The following JUP variants were observed in gnomAD, a reference collection of about 807,000 sequenced individuals.
JUP encodes junction plakoglobin.
Under a neutral mutation model 71.1 loss-of-function variants are expected in JUP, and 28 were observed. The ratio of observed to expected loss-of-function variants is 0.39; its 90% confidence interval spans 0.29 to 0.54. The LOEUF is 0.54. Ranked by LOEUF, JUP falls within the 20% of genes least tolerant of loss-of-function variation. The pLI is 0.62. For missense variants in JUP, 869 were observed against 1,030.1 expected (o/e 0.84, Z 2.14); for synonymous variants, 401 against 438.9 (o/e 0.91, Z 1.08).
At chr17:41,771,170 C>T (rs1301779686) in intron 2 of JUP, among the ~76,000 whole-genome samples, 3 of 152,220 alleles carry the variant, frequency 2.0e-5, no homozygotes, top group Non-Finnish European at 2.9e-5. Context: ...GCTGGGACTA[C>T]AGGTGCATGC....
chr17:41,773,918 A>G (rs1917057133), intron 1 of JUP, among the ~76,000 whole-genome samples: 1 of 152,204 alleles, frequency 6.6e-6, no homozygotes, highest in Non-Finnish European at 1.5e-5. Context: ...TGCTGGGCTC[A>G]AGGCTGAACG....
In JUP at chr17:41,767,402, C is replaced by A. The variant is rs970432981; in HGVS notation, c.886G>T (p.Ala296Ser). Reference sequence around the variant, plus strand: ...ACCTTGCTCTCCTGGTTGCCGTAGGCCAGGAGCTGCAGGCAGTCGGTGGTG... The same window carrying A: ...ACCTTGCTCTCCTGGTTGCCGTAGGACAGGAGCTGCAGGCAGTCGGTGGTG... ...AITTDCLQLL[A>S]YGNQESKLII... Residue 296 changes from alanine (A) to serine (S), a missense_variant, in exon 5 of 14, where the codon GCC (alanine) becomes TCC (serine). Physicochemically the swap from Ala to Ser is moderately conservative, Grantham distance 99. Transcript: ENST00000393931. 36 of 1,614,148 alleles carry A rather than the reference C, an allele frequency of 2.2e-5. No individual in the cohort carries two copies. Among genetic ancestry groups the A allele is most frequent in the Non-Finnish European group, 3.0e-5 (35 of 1,180,044 alleles).
At chr17:41,772,209 A>C (rs1156377130) in intron 1 of JUP, 11 of 397,294 alleles carry the variant, frequency 2.8e-5, no homozygotes, top group Non-Finnish European at 4.3e-5. Context: ...GCCCTGACCC[A>C]ACTCTCCCAG....
intron 1 of JUP, among the ~76,000 whole-genome samples, chr17:41,775,410 C>CCTA (rs1356405258): frequency 6.6e-6 from 1 of 152,192 alleles, no homozygotes; most frequent in East Asian, 1.9e-4. Context: ...CTTCTCCTTA[C>CCTA]CTACTGCCCA....
rs782267275 is a variant in JUP, at chr17:41,771,897, A to G, written c.-8-35T>C. 6.5e-6 allele frequency: 10 copies of G among 1,547,292 alleles called. No individual in the cohort carries two copies. In the East Asian group the frequency reaches 2.4e-4, roughly 37 times the overall value. ...CAAAGGAGGAAGTCAGGAAGCAGGA[A>G]GTCACCTGGCCCAGCCCCCAGCTTC... On this transcript the variant is annotated intron_variant, in intron 1 of 13. Transcript: ENST00000393931.
intron 12 of JUP, among the ~76,000 whole-genome samples, 163 bp from the exon 13 acceptor site, chr17:41,756,377 AC>A (rs1913749289): frequency 6.6e-6 from 1 of 152,104 alleles, no homozygotes; most frequent in Admixed American, 6.6e-5. Flanking sequence ...CAGGCGGATC[AC>A]TTGAGGTCAG....
chr17:41,769,846 A>C (rs1555606112), intron 2 of JUP, among the ~76,000 whole-genome samples, 169 bp from the exon 3 acceptor site: 2 of 151,632 alleles, frequency 1.3e-5, no homozygotes, highest in Non-Finnish European at 2.9e-5. Context: ...ACCTTGGGGA[A>C]GTCACCATCA....
chr17:41,767,278 C>T, intron 5 of JUP, 101 bp downstream of exon 5: 1 of 905,756 alleles, frequency 1.1e-6, no homozygotes, highest in Non-Finnish European at 1.8e-6. Context: ...GCACCTATAT[C>T]TCATCTAAAA....
intron 13 of JUP, 113 bp from the exon 14 acceptor site, chr17:41,756,008 C>CT: frequency 7.8e-7 from 1 of 1,277,768 alleles, no homozygotes; most frequent in African/African-American, 3.3e-5. Flanking sequence ...GTGGGCCTGA[C>CT]CCCTCCCCAG....
At chr17:41,759,502 G>C (rs7221320) in intron 8 of JUP, among the ~76,000 whole-genome samples, 5,170 of 139,236 alleles carry the variant, frequency 0.037, 307 homozygotes, top group African/African-American at 0.13. Flanking sequence ...CCATGACCTT[G>C]CTTGCTTTTC....
At position 41,755,410 on chromosome 17, in the gene JUP, G is replaced by A. The variant is rs1913531257; in HGVS notation, c.*334C>T. 1 of 408,996 alleles carries A rather than the reference G, an allele frequency of 2.4e-6. No individual in the cohort carries two copies. The highest frequency in any genetic ancestry group is 3.5e-5 in the East Asian group (1 of 28,418). 25.3% of individuals were successfully genotyped at this position (408,996 alleles called of 1,614,324 possible). ...TCTTGCCCCATCGCCTGCACGGAGA[G>A]CCTCTCAGATGAGGAACCGCACCTG... On this transcript the variant is annotated 3_prime_UTR_variant, in exon 14 of 14. Transcript: ENST00000393931.
chr17:41,763,911 C>T (rs782669952), intron 7 of JUP, among the ~76,000 whole-genome samples: 37 of 152,328 alleles, frequency 2.4e-4, no homozygotes, highest in Admixed American at 1.5e-3. Context: ...GCTTTGGGGA[C>T]GGACAGTCCT....
chr17:41,773,356 T>C (rs1252602394), intron 1 of JUP, among the ~76,000 whole-genome samples: 1 of 152,178 alleles, frequency 6.6e-6, no homozygotes, highest in Non-Finnish European at 1.5e-5. Context: ...CTCCCAGCCT[T>C]TTATGGCAGG....
chr17:41,764,534 G>GAAAAA (rs1555603054), intron 7 of JUP, among the ~76,000 whole-genome samples, 179 bp downstream of exon 7: 3 of 83,900 alleles, frequency 3.6e-5, no homozygotes, highest in African/African-American at 1.8e-4. Context: ...GACTCCGTCA[G>GAAAAA]AAAAAAAAAA....
chr17:41,776,295 A>T (rs2046881331), intron 1 of JUP, among the ~76,000 whole-genome samples: 2 of 152,204 alleles, frequency 1.3e-5, no homozygotes, highest in Admixed American at 1.3e-4. Context: ...CAATTTCCTT[A>T]AGCCTCATTT....
At chr17:41,760,221 T>TCTTATCTGCA (rs1385717491) in intron 8 of JUP, among the ~76,000 whole-genome samples, 1 of 151,802 alleles carries the variant, frequency 6.6e-6, no homozygotes, top group Non-Finnish European at 1.5e-5. Context: ...TTAGAGTCAT[T>TCTTATCTGCA]CTTATCTGCA....
intron 1 of JUP, among the ~76,000 whole-genome samples, chr17:41,781,017 A>G (rs1448970246): frequency 2.6e-5 from 4 of 152,012 alleles, no homozygotes; most frequent in Non-Finnish European, 5.9e-5. Flanking sequence ...CGTCTCTACT[A>G]AAAACACAAA....
chr17:41,757,601 T>C (rs1597781528), intron 11 of JUP, 33 bp downstream of exon 11: 1 of 1,612,924 alleles, frequency 6.2e-7, no homozygotes, highest in East Asian at 2.2e-5. Context: ...GCTGGGGGAG[T>C]GGGACCCAGC....
Position 41,755,671 on chromosome 17 carries a change from G to T in JUP, c.*73C>A. On this transcript the variant is annotated 3_prime_UTR_variant, in exon 14 of 14. Transcript: ENST00000393931. ...GCAGGTTTCAGCGGGGAGATGGGAG[G>T]GCCTCCAACAGAAGGAGGTTCTAGA... is the stretch of plus-strand genomic sequence containing the variant. The T allele has an allele frequency of 7.3e-7, 1 of 1,371,310 alleles. No individual in the cohort carries two copies. The highest frequency in any genetic ancestry group is 9.8e-7 in the Non-Finnish European group (1 of 1,022,628). The allele number at this position is 1,371,310 out of a possible 1,614,324, so 84.9% of individuals were successfully genotyped here. A position where few individuals can be genotyped will look rare whatever the true frequency, so the allele number is the denominator to read the frequency against.
Sources: allele counts gnomAD v4.1 joint callset (sites outside exome capture counted in the v4.1 genomes callset), GRCh38; gene constraint gnomAD v4.1.1; transcripts MANE v1.5; gene names NCBI Gene and HGNC (gene_info 2026-07-23, HGNC 2026-07-21).